VASH2: variants seen among roughly 807,000 people sequenced by gnomAD.
VASH2 encodes the protein tubulinyl-Tyr carboxypeptidase 2.
In VASH2, 28 loss-of-function variants were observed where a neutral mutation model predicts 37.2. The observed-to-expected ratio is 0.75, with a 90% confidence interval of 0.56 to 1.03. The LOEUF (loss-of-function observed/expected upper bound fraction) is 1.03. Among genes scored for constraint, VASH2 ranks in the 50% least tolerant of loss-of-function variants. The pLI, the probability that VASH2 is intolerant of heterozygous loss-of-function variation, is 0.00. For missense variants in VASH2, 419 were observed against 459.1 expected, an observed-to-expected ratio of 0.91 and a Z score of 0.80; for synonymous variants, 188 against 174.7, an observed-to-expected ratio of 1.08 and a Z score of -0.60.
chr1:212,968,984 C>T (rs1666927132), intron 5 of VASH2: 1 of 985,292 alleles, frequency 1.0e-6, no homozygotes, highest in Admixed American at 6.1e-5. Flanking sequence ...CTGGAATCAC[C>T]CACGACCTTT....
At chr1:212,968,170 A>C (rs1666907251) in intron 5 of VASH2, 1 of 979,674 alleles carries the variant, frequency 1.0e-6, no homozygotes, top group Non-Finnish European at 1.2e-6. Flanking sequence ...TGCAATGTGG[A>C]GCTCACAGGG....
intron 2 of VASH2, among the ~76,000 whole-genome samples, chr1:212,953,884 A>G (rs1269346785): frequency 6.6e-6 from 1 of 152,142 alleles, no homozygotes; most frequent in African/African-American, 2.4e-5. Context: ...CTTTGTCCAC[A>G]GATAGCTCCT....
intron 7 of VASH2, among the ~76,000 whole-genome samples, chr1:212,982,219 C>G (rs1165997072): frequency 1.3e-5 from 2 of 152,212 alleles, no homozygotes; most frequent in Non-Finnish European, 2.9e-5. Flanking sequence ...TACGTCACAA[C>G]AGGTGAGGCT....
chr1:212,986,215 G>A (rs1667475069), intron 7 of VASH2, among the ~76,000 whole-genome samples: 1 of 152,174 alleles, frequency 6.6e-6, no homozygotes, highest in South Asian at 2.1e-4. Flanking sequence ...GAATGCATAG[G>A]TACTGCAGGT....
At chr1:212,978,197 A>C (rs1197522490) in intron 7 of VASH2, among the ~76,000 whole-genome samples, 1 of 152,184 alleles carries the variant, frequency 6.6e-6, no homozygotes, top group African/African-American at 2.4e-5. Context: ...CCGGTCCTTC[A>C]TCCCCTAGGC....
chr1:212,985,390 C>T (rs1229239401), intron 7 of VASH2, among the ~76,000 whole-genome samples: 3 of 150,430 alleles, frequency 2.0e-5, no homozygotes, highest in Non-Finnish European at 4.4e-5. Context: ...AAATGGGCTT[C>T]CTGCTGCGCT....
chr1:212,976,976 G>A (rs1667194278), intron 7 of VASH2, among the ~76,000 whole-genome samples: 1 of 152,148 alleles, frequency 6.6e-6, no homozygotes, highest in East Asian at 1.9e-4. Flanking sequence ...GGGCTCAGCA[G>A]TGAAAACATA....
intron 7 of VASH2, among the ~76,000 whole-genome samples, chr1:212,980,927 C>G (rs1163331314): frequency 1.3e-5 from 2 of 152,196 alleles, no homozygotes; most frequent in Non-Finnish European, 2.9e-5. Flanking sequence ...CAGGGAAATT[C>G]ATATGGCCCA....
chr1:212,955,176 A>G (rs1572056267), intron 2 of VASH2, among the ~76,000 whole-genome samples: 1 of 152,146 alleles, frequency 6.6e-6, no homozygotes, highest in African/African-American at 2.4e-5. Context: ...CTTCAGGGGG[A>G]TTAACCATTT....
Position 212,972,942 on chromosome 1 carries a change from C to T in VASH2, c.860C>T (p.Ala287Val), listed in dbSNP as rs768463996. The stretch of plus-strand genomic sequence containing the variant: ...ATAAGGAAGGAGCTGGAGAAATATG[C>T]CAGGGACATGAGAATGAAGGTGGGT... ...ADIRKELEKY[A>V]RDMRMKILKP... Residue 287 changes from alanine (A) to valine (V), a missense_variant, in exon 6 of 8, where the codon GCC becomes GTC. Ala to Val is a moderately conservative substitution (Grantham distance 64, BLOSUM62 0). Coordinates refer to ENST00000517399, the MANE Select transcript of VASH2 (RefSeq NM_001301056.2). The T allele has an allele frequency of 6.2e-7, 1 of 1,612,436 alleles. No homozygotes were observed. Among genetic ancestry groups the T allele is most frequent in the Admixed American group, 1.7e-5 (1 of 59,994 alleles).
intron 6 of VASH2, chr1:212,973,532 C>T (rs1449726106): frequency 3.1e-6 from 4 of 1,289,314 alleles, no homozygotes; most frequent in Non-Finnish European, 4.0e-6. Flanking sequence ...GTGGAGATTC[C>T]TGATCAATTA....
chr1:212,960,830 TG>T (rs1478674158), intron 2 of VASH2, among the ~76,000 whole-genome samples: 1 of 152,126 alleles, frequency 6.6e-6, no homozygotes, highest in Admixed American at 6.5e-5. Flanking sequence ...CCAGGCTCGG[TG>T]GGGGGACATG....
At chr1:212,986,801 C>T (rs1391655464) in intron 7 of VASH2, among the ~76,000 whole-genome samples, 4 of 152,154 alleles carry the variant, frequency 2.6e-5, no homozygotes, top group African/African-American at 7.2e-5. Flanking sequence ...TAATTAGCAT[C>T]ATGTGTATGA....
In VASH2 at chr1:212,972,917, A is replaced by G. The variant is rs376961593; in HGVS notation, c.835A>G (p.Ile279Val). ...CGTCTCAAAGATGCTGAGGGCTGAC[A>G]TAAGGAAGGAGCTGGAGAAATATGC... Reference protein sequence around the residue: ...LNVSKMLRADIRKELEKYARD... With the variant: ...LNVSKMLRADVRKELEKYARD... Residue 279 changes from isoleucine (I) to valine (V), a missense_variant, in exon 6 of 8, where the codon ATA (isoleucine) becomes GTA (valine). Ile to Val is a conservative substitution (Grantham distance 29, BLOSUM62 3). This residue lies in a region of VASH2 where 177 missense variants were observed against 166.2 expected (regional missense o/e 1.06). Coordinates refer to ENST00000517399, the MANE Select transcript of VASH2 (RefSeq NM_001301056.2). 1.4e-5 allele frequency: 23 copies of G among 1,613,932 alleles called. No homozygotes were observed. In the East Asian group the frequency reaches 3.1e-4, roughly 22 times the overall value.
intron 3 of VASH2, 163 bp downstream of exon 3, chr1:212,961,417 G>T (rs201684444): frequency 6.9e-7 from 1 of 1,453,036 alleles, no homozygotes; most frequent in Non-Finnish European, 9.1e-7. Flanking sequence ...AAGAGTGTGC[G>T]TGGAGGTTGT....
chr1:212,974,199 GC>G, intron 7 of VASH2, 129 bp downstream of exon 7: 3 of 1,214,890 alleles, frequency 2.5e-6, no homozygotes, highest in Middle Eastern at 2.0e-4. Context: ...CAAGAGGACT[GC>G]CCCTCATTCA....
At chr1:212,967,407 G>T in intron 5 of VASH2, 2 of 1,192,648 alleles carry the variant, frequency 1.7e-6, no homozygotes, top group East Asian at 5.8e-5. Flanking sequence ...AAGATGCTCC[G>T]AAGTCCTATG....
intron 6 of VASH2, chr1:212,973,629 G>A (rs532025636): frequency 8.2e-6 from 10 of 1,224,244 alleles, no homozygotes; most frequent in South Asian, 7.5e-5. Flanking sequence ...CTTTGCCTTC[G>A]TGAGGAGAGG....
chr1:212,974,148 G>T (rs1285104872), intron 7 of VASH2, 78 bp downstream of exon 7: 5 of 1,466,522 alleles, frequency 3.4e-6, no homozygotes, highest in Non-Finnish European at 4.5e-6. Flanking sequence ...TGGGGACAAA[G>T]CTGTGTCTTG....
Sources: gnomAD v4.1 joint callset for allele counts (sites outside exome capture counted in the v4.1 genomes callset) on GRCh38, gnomAD v4.1.1 for gene constraint, gnomAD v4.1.1 regional missense constraint, MANE v1.5 for transcripts, NCBI Gene and HGNC (gene_info 2026-07-23, HGNC 2026-07-21) for gene names.